TSNARE1: variants seen among roughly 807,000 people sequenced by gnomAD.
TSNARE1 encodes the protein t-SNARE domain-containing protein 1.
In TSNARE1, 49 loss-of-function variants were observed where a neutral mutation model predicts 62.0. That is an observed-to-expected ratio of 0.79 (90% confidence interval 0.63 to 1.00). The LOEUF is 1.00. Among genes scored for constraint, TSNARE1 ranks in the 50% least tolerant of loss-of-function variants. The probability of loss-of-function intolerance (pLI) is 0.00; values close to 1 mark genes in which losing one functional copy is unlikely to be tolerated. For synonymous variants in TSNARE1, 328 were observed against 294.4 expected (o/e 1.11, Z -1.17); for missense variants, 755 against 700.1 (o/e 1.08, Z -0.88).
At chr8:142,355,080 C>G (rs1834618721) in intron 1 of TSNARE1, among the ~76,000 whole-genome samples, 1 of 152,238 alleles carries the variant, frequency 6.6e-6, no homozygotes, top group Non-Finnish European at 1.5e-5. Context: ...AGACCAACCC[C>G]CACCGCCAGC....
intron 8 of TSNARE1, among the ~76,000 whole-genome samples, chr8:142,314,743 G>A (rs1326972635): frequency 1.3e-5 from 2 of 152,246 alleles, no homozygotes; most frequent in African/African-American, 4.8e-5. Flanking sequence ...TGTCAGAGCA[G>A]GGTGAGACTT....
chr8:142,379,996 G>A (rs988770400), intron 1 of TSNARE1, among the ~76,000 whole-genome samples: 1 of 152,242 alleles, frequency 6.6e-6, no homozygotes, highest in Admixed American at 6.5e-5. Flanking sequence ...TGACACTGGA[G>A]GGAGAGGGCA....
intron 13 of TSNARE1, among the ~76,000 whole-genome samples, chr8:142,217,859 G>C (rs1043132870): frequency 1.1e-4 from 16 of 142,686 alleles, no homozygotes; most frequent in Non-Finnish European, 2.0e-4. Context: ...AGCAGGATCA[G>C]GGCTCAGTGT....
At chr8:142,383,173 C>T (rs1465481567) in intron 1 of TSNARE1, among the ~76,000 whole-genome samples, 1 of 152,180 alleles carries the variant, frequency 6.6e-6, no homozygotes, top group African/African-American at 2.4e-5. Context: ...TCATAGGCCA[C>T]AGGACCTAAG....
intron 6 of TSNARE1, among the ~76,000 whole-genome samples, chr8:142,324,589 T>G (rs1829931974): frequency 6.6e-6 from 1 of 152,244 alleles, no homozygotes; most frequent in Non-Finnish European, 1.5e-5. Flanking sequence ...AAGCACCTCA[T>G]GTCCCGCGTA....
intron 9 of TSNARE1, among the ~76,000 whole-genome samples, chr8:142,312,288 T>C (rs892549586): frequency 6.6e-6 from 1 of 152,240 alleles, no homozygotes; most frequent in Non-Finnish European, 1.5e-5. Context: ...CATCACCTGT[T>C]GGTCAGTTTC....
intron 2 of TSNARE1, among the ~76,000 whole-genome samples, chr8:142,352,852 G>A (rs1834285492): frequency 6.6e-6 from 1 of 152,170 alleles, no homozygotes; most frequent in African/African-American, 2.4e-5. Flanking sequence ...GGGCCTGGGG[G>A]TCAGGCGCAC....
chr8:142,330,671 G>A (rs2132006067), intron 6 of TSNARE1, among the ~76,000 whole-genome samples: 1 of 152,350 alleles, frequency 6.6e-6, no homozygotes, highest in African/African-American at 2.4e-5. Flanking sequence ...GGGTGCACCT[G>A]TGTGCCCTGT....
At chr8:142,237,413 C>T (rs1020367216) in intron 12 of TSNARE1, among the ~76,000 whole-genome samples, 6 of 152,192 alleles carry the variant, frequency 3.9e-5, no homozygotes, top group African/African-American at 1.4e-4. Flanking sequence ...TGAATATCCC[C>T]ACCAAGTGAA....
In TSNARE1 at chr8:142,277,645, C is replaced by A. The variant is rs565220640; in HGVS notation, c.1364-2782G>T. 1.3e-5 allele frequency: 13 copies of A among 985,330 alleles called. No individual in the cohort carries two copies. The African/African-American group carries it at 2.3e-4, about 17-fold the overall frequency. 61.0% of individuals were successfully genotyped at this position (985,330 alleles called of 1,614,324 possible). A position where few individuals can be genotyped will look rare whatever the true frequency, so the allele number is the denominator to read the frequency against. On this transcript the variant is annotated intron_variant, in intron 11 of 13. Transcript: ENST00000524325. The stretch of plus-strand genomic sequence containing the variant: ...AGCACTCTCGCTTGGGAATTCAACA[C>A]GTCAGTTGCTGTCAGCAGCAGGGCA...
intron 1 of TSNARE1, among the ~76,000 whole-genome samples, chr8:142,362,734 C>G (rs1587018100): frequency 6.6e-6 from 1 of 152,176 alleles, no homozygotes; most frequent in Admixed American, 6.5e-5. Context: ...AGGGGACATT[C>G]ACACCACAGC....
intron 12 of TSNARE1, among the ~76,000 whole-genome samples, chr8:142,250,254 G>A (rs777948152): frequency 6.6e-6 from 1 of 152,140 alleles, no homozygotes; most frequent in African/African-American, 2.4e-5. Context: ...CATTTTGAGG[G>A]AAAAATGCAA....
At chr8:142,378,206 A>G (rs897027655) in intron 1 of TSNARE1, among the ~76,000 whole-genome samples, 2 of 152,218 alleles carry the variant, frequency 1.3e-5, no homozygotes, top group Non-Finnish European at 2.9e-5. Flanking sequence ...ACACGGGAAC[A>G]CCGCTCAGCA....
intron 1 of TSNARE1, among the ~76,000 whole-genome samples, chr8:142,381,779 T>C (rs1362705252): frequency 6.6e-6 from 1 of 151,954 alleles, no homozygotes; most frequent in Non-Finnish European, 1.5e-5. Context: ...CATCGTCACC[T>C]CCCCGCAGCT....
intron 1 of TSNARE1, among the ~76,000 whole-genome samples, chr8:142,357,351 C>T (rs755777299): frequency 2.0e-5 from 3 of 152,206 alleles, no homozygotes; most frequent in African/African-American, 4.8e-5. Flanking sequence ...CCCAAGGAAG[C>T]GGCTCAAGGG....
chr8:142,239,282 G>A (rs1422446085), intron 12 of TSNARE1, among the ~76,000 whole-genome samples: 1 of 152,220 alleles, frequency 6.6e-6, no homozygotes, highest in African/African-American at 2.4e-5. Flanking sequence ...GAAGAAGGTG[G>A]CCGGGGGCAG....
chr8:142,267,558 A>C (rs59160902), intron 12 of TSNARE1, among the ~76,000 whole-genome samples: 6,609 of 152,216 alleles, frequency 0.043, 237 homozygotes, highest in African/African-American at 0.092. Context: ...TGCAGCTTCA[A>C]CACCACCCCT....
chr8:142,212,769 C>T (rs1217456224), intron 13 of TSNARE1, among the ~76,000 whole-genome samples: 1 of 145,062 alleles, frequency 6.9e-6, no homozygotes, highest in Non-Finnish European at 1.5e-5. Flanking sequence ...TCTTCCCTGG[C>T]CCCTCCCTCT....
chr8:142,222,102 C>CCCT (rs1554623953), intron 13 of TSNARE1, among the ~76,000 whole-genome samples: 3 of 124,514 alleles, frequency 2.4e-5, no homozygotes, highest in Admixed American at 7.7e-5. Flanking sequence ...CTCATCCACT[C>CCCT]CACTCACTCA....
Sources: allele counts gnomAD v4.1 joint callset (sites outside exome capture counted in the v4.1 genomes callset), GRCh38; gene constraint gnomAD v4.1.1; transcripts MANE v1.5; gene names NCBI Gene and HGNC (gene_info 2026-07-23, HGNC 2026-07-21).